SCLT1: variants seen among roughly 807,000 people sequenced by gnomAD.
SCLT1 encodes sodium channel-associated protein 1.
SCLT1 carries 78 observed loss-of-function variants against 112.8 expected under a neutral mutation model. The ratio of observed to expected loss-of-function variants is 0.69; its 90% confidence interval spans 0.58 to 0.83. The LOEUF is 0.83. Ranked by LOEUF, SCLT1 falls within the 40% of genes least tolerant of loss-of-function variation. SCLT1 has a pLI of 0.00. For missense variants in SCLT1, 747 were observed against 770.4 expected, an observed-to-expected ratio of 0.97 and a Z score of 0.36; for synonymous variants, 257 against 254.7, an observed-to-expected ratio of 1.01 and a Z score of -0.09.
intron 9 of SCLT1, among the ~76,000 whole-genome samples, chr4:128,981,374 A>G (rs1741635910): frequency 6.6e-6 from 1 of 152,218 alleles, no homozygotes; most frequent in Admixed American, 6.5e-5. Flanking sequence ...GAGGGGCTGG[A>G]ATTCTAAATA....
chr4:128,891,302 T>A (rs1394880703), intron 18 of SCLT1, among the ~76,000 whole-genome samples, 165 bp from the exon 19 acceptor site: 1 of 152,200 alleles, frequency 6.6e-6, no homozygotes, highest in Non-Finnish European at 1.5e-5. Context: ...TTATTTCTTT[T>A]TAACAAAACA....
At chr4:128,924,479 C>T (rs1328805152) in intron 18 of SCLT1, among the ~76,000 whole-genome samples, 2 of 151,794 alleles carry the variant, frequency 1.3e-5, no homozygotes, top group African/African-American at 2.4e-5. Context: ...TCTTGTTAGC[C>T]AGAGTGGTTT....
At chr4:128,999,353 AG>A (rs1743263500) in intron 7 of SCLT1, among the ~76,000 whole-genome samples, 1 of 151,942 alleles carries the variant, frequency 6.6e-6, no homozygotes, top group Admixed American at 6.6e-5. Context: ...TTGTTTTAAA[AG>A]TCAGGTAGGA....
At chr4:128,973,047 C>T (rs542647996) in intron 9 of SCLT1, among the ~76,000 whole-genome samples, 15 of 151,768 alleles carry the variant, frequency 9.9e-5, no homozygotes, top group African/African-American at 3.4e-4. Flanking sequence ...TTTCTAAACA[C>T]ATCCTTGTTT....
intron 18 of SCLT1, among the ~76,000 whole-genome samples, chr4:128,892,800 A>G (rs907312131): frequency 1.3e-5 from 2 of 152,220 alleles, no homozygotes; most frequent in East Asian, 1.9e-4. Flanking sequence ...ACACAGGTTC[A>G]TTGACTATGA....
intron 5 of SCLT1, chr4:128,873,953 C>T (rs2125911246): frequency 6.5e-6 from 1 of 152,746 alleles, no homozygotes; most frequent in East Asian, 1.9e-4. Flanking sequence ...GTATGTACGA[C>T]ATTTTCAAAC....
intron 2 of SCLT1, among the ~76,000 whole-genome samples, chr4:129,057,754 T>C (rs1348332521): frequency 6.8e-6 from 1 of 146,814 alleles, no homozygotes; most frequent in East Asian, 2.0e-4. Context: ...TATTTCTTTT[T>C]TTTTTCTTTT....
At chr4:129,034,821 G>A (rs1420278193) in intron 5 of SCLT1, among the ~76,000 whole-genome samples, 2 of 151,946 alleles carry the variant, frequency 1.3e-5, no homozygotes, top group African/African-American at 4.8e-5. Flanking sequence ...CCATCAACAA[G>A]ATTTAAATGA....
At chr4:128,996,662 T>G (rs766189414) in intron 8 of SCLT1, among the ~76,000 whole-genome samples, 8 of 152,134 alleles carry the variant, frequency 5.3e-5, no homozygotes, top group Non-Finnish European at 1.0e-4. Flanking sequence ...ACTTTTATCT[T>G]AACCACCTAT....
chr4:128,955,672 C>T (rs185876051), intron 13 of SCLT1, among the ~76,000 whole-genome samples: 1 of 152,262 alleles, frequency 6.6e-6, no homozygotes, highest in East Asian at 1.9e-4. Context: ...CAGAACAATG[C>T]TAAAAATAGT....
At chr4:129,015,234 T>C (rs1294596654) in intron 5 of SCLT1, among the ~76,000 whole-genome samples, 2 of 151,838 alleles carry the variant, frequency 1.3e-5, no homozygotes, top group African/African-American at 4.8e-5. Context: ...CAAAGAGATG[T>C]GGGGAGTTGC....
intron 16 of SCLT1, among the ~76,000 whole-genome samples, chr4:128,945,778 C>T (rs1036904931): frequency 1.3e-5 from 2 of 151,976 alleles, no homozygotes; most frequent in Admixed American, 1.3e-4. Flanking sequence ...ATTTAACTGC[C>T]AGAAAGGATA....
At chr4:129,070,777 T>C (rs191156503) in intron 2 of SCLT1, among the ~76,000 whole-genome samples, 1 of 152,290 alleles carries the variant, frequency 6.6e-6, no homozygotes, top group Non-Finnish European at 1.5e-5. Flanking sequence ...TTTCACTTAA[T>C]TCTGCTCTAA....
intron 5 of SCLT1, among the ~76,000 whole-genome samples, chr4:129,005,107 C>A (rs770261055): frequency 2.0e-5 from 3 of 151,944 alleles, no homozygotes; most frequent in Admixed American, 2.0e-4. Context: ...TAAAAATAGA[C>A]CAATGACATA....
intron 18 of SCLT1, among the ~76,000 whole-genome samples, chr4:128,934,562 G>C (rs991838001): frequency 4.6e-5 from 7 of 151,638 alleles, no homozygotes; most frequent in African/African-American, 1.7e-4. Context: ...TCAAACAAAA[G>C]TCTTACATAT....
At chr4:128,935,477 C>T (rs559775341) in intron 18 of SCLT1, among the ~76,000 whole-genome samples, 1 of 152,104 alleles carries the variant, frequency 6.6e-6, no homozygotes, top group African/African-American at 2.4e-5. Flanking sequence ...AAACCTAGAT[C>T]TGTGTATTCA....
intron 5 of SCLT1, among the ~76,000 whole-genome samples, chr4:129,020,093 G>A (rs1314286962): frequency 6.6e-6 from 1 of 152,116 alleles, no homozygotes; most frequent in Non-Finnish European, 1.5e-5. Context: ...CATATGTTGA[G>A]ACACAGCCAT....
chr4:128,903,950 G>A (rs559898044), intron 18 of SCLT1, among the ~76,000 whole-genome samples: 1 of 152,206 alleles, frequency 6.6e-6, no homozygotes, highest in African/African-American at 2.4e-5. Context: ...TTTCACAGTG[G>A]TATTACAGTT....
rs138390215 is a variant in SCLT1, at chr4:128,969,150, TG to T, written c.777+1227del. 3.8e-3 allele frequency among the ~76,000 whole-genome samples: 572 copies of T among 152,334 alleles called. 1 individual carries two copies. Among genetic ancestry groups the T allele is most frequent in the African/African-American group, 0.011 (473 of 41,586 alleles). On this transcript the variant is annotated intron_variant, in intron 10 of 20. Transcript: ENST00000281142. ...CTGCCTGCTTCTTCACTGGCCTCTCTGGGGTCCCTCCCCCACTTCCATATGC... is the reference window on the plus strand; with the variant it reads ...CTGCCTGCTTCTTCACTGGCCTCTCTGGGTCCCTCCCCCACTTCCATATGC...
Sources: allele counts gnomAD v4.1 joint callset (sites outside exome capture counted in the v4.1 genomes callset), GRCh38; gene constraint gnomAD v4.1.1; transcripts MANE v1.5; gene names NCBI Gene and HGNC (gene_info 2026-07-23, HGNC 2026-07-21).